Variants in AGGF1 observed in about 807,000 individuals in gnomAD.
The protein encoded by AGGF1 is angiogenic factor with G-patch and FHA domains 1, also known as angiogenic factor with G patch and FHA domains 1.
AGGF1 carries 56 observed loss-of-function variants against 86.5 expected under a neutral mutation model. The ratio of observed to expected loss-of-function variants is 0.65; its 90% CI spans 0.52 to 0.81. The LOEUF is 0.81. AGGF1 is among the 30% of genes least tolerant of loss of function. The pLI is 0.00. For synonymous variants in AGGF1, 313 were observed against 297.1 expected, an observed-to-expected ratio of 1.05 and a Z score of -0.55; for missense variants, 816 against 850.9, an observed-to-expected ratio of 0.96 and a Z score of 0.51.
At chr5:77,062,640 T>C (rs1015230281) in intron 13 of AGGF1, among the ~76,000 whole-genome samples, 9 of 152,200 alleles carry the variant, frequency 5.9e-5, no homozygotes, top group African/African-American at 1.9e-4. Context: ...CCTCCTGTTA[T>C]GAAAACAATC....
At chr5:77,057,848 G>A (rs778579102) in intron 11 of AGGF1, among the ~76,000 whole-genome samples, 2 of 152,164 alleles carry the variant, frequency 1.3e-5, no homozygotes, top group Non-Finnish European at 2.9e-5. Flanking sequence ...AACAGAGCCT[G>A]GACTGTTTTA....
At chr5:77,058,718 G>C (rs763784834) in intron 11 of AGGF1, among the ~76,000 whole-genome samples, 6 of 152,142 alleles carry the variant, frequency 3.9e-5, no homozygotes, top group African/African-American at 1.4e-4. Flanking sequence ...CTCTCTGGAT[G>C]AGTATCATAC....
intron 6 of AGGF1, among the ~76,000 whole-genome samples, chr5:77,047,959 C>T (rs574880430): frequency 2.3e-4 from 35 of 151,836 alleles, no homozygotes; most frequent in Non-Finnish European, 4.6e-4. Flanking sequence ...TATGCAGCAA[C>T]CTTTATGTGG....
chr5:77,034,533 T>TCCTC lies in AGGF1; in HGVS notation c.313+13_313+14insCCTC. 2.6e-6 allele frequency: 4 copies of TCCTC among 1,522,318 alleles called. No individual in the cohort carries two copies. Among genetic ancestry groups the TCCTC allele is most frequent in the Non-Finnish European group, 3.6e-6 (4 of 1,096,290 alleles). 94.3% of individuals were successfully genotyped at this position (1,522,318 alleles called of 1,614,324 possible). A position where few individuals can be genotyped will look rare whatever the true frequency, so the allele number is the denominator to read the frequency against. The stretch of plus-strand genomic sequence containing the variant: ...TGGTCAATCTCAGGTATTTAGCTTA[T>TCCTC]AGTGAGGATATGCTAACACTGTTAC... On this transcript the variant is annotated intron_variant, in intron 2 of 13. Coordinates refer to ENST00000312916, the MANE Select transcript of AGGF1 (RefSeq NM_018046.5).
rs140162439 is a variant in AGGF1, at chr5:77,060,590, T to G, written c.1844+847T>G. Among the ~76,000 whole-genome samples, 152 of 152,294 alleles carry G rather than the reference T, an allele frequency of 1.0e-3. 2 individuals are homozygous for G. The highest frequency in any genetic ancestry group is 3.6e-3 in the African/African-American group (148 of 41,574). ...GCATTTTTTTCCTCAGAATATAAAT[T>G]TTGAGTTTAGTTAAAATTTAAATTT... On this transcript the variant is annotated intron_variant, in intron 12 of 13. Transcript: ENST00000312916.
chr5:77,062,978 T>C, intron 13 of AGGF1, 74 bp from the exon 14 acceptor site: 1 of 1,513,540 alleles, frequency 6.6e-7, no homozygotes. Context: ...AATTGTAGAG[T>C]CCTAAGTTGG....
intron 2 of AGGF1, among the ~76,000 whole-genome samples, chr5:77,035,229 T>C (rs1435909552): frequency 6.6e-6 from 1 of 152,232 alleles, no homozygotes; most frequent in African/African-American, 2.4e-5. Flanking sequence ...AGTTAAGTTT[T>C]TTAAATAGAA....
chr5:77,054,683 G>A (rs529753774), intron 10 of AGGF1, among the ~76,000 whole-genome samples: 2 of 152,188 alleles, frequency 1.3e-5, no homozygotes, highest in South Asian at 4.1e-4. Flanking sequence ...CAAAAATCAT[G>A]TTGTATACCA....
rs928163720 is a variant in AGGF1 at position 77,064,372 on chromosome 5, A to G, written c.*1120A>G. 2 of 152,130 alleles carry G rather than the reference A, an allele frequency of 1.3e-5. No homozygotes were observed. Among genetic ancestry groups the G allele is most frequent in the East Asian group, 1.9e-4 (1 of 5,196 alleles). 9.4% of individuals were successfully genotyped at this position (152,130 alleles called of 1,614,324 possible). The stretch of plus-strand genomic sequence containing the variant: ...GTAAGCTCTAGCTCCCCCATCTACT[A>G]TAAAGAAATGTCTTCGAGATGTAGA... On this transcript the variant is annotated 3_prime_UTR_variant, in exon 14 of 14. Transcript: ENST00000312916.
At chr5:77,044,054 G>C (rs1449190455) in intron 5 of AGGF1, among the ~76,000 whole-genome samples, 2 of 126,298 alleles carry the variant, frequency 1.6e-5, no homozygotes, top group Admixed American at 1.6e-4. Flanking sequence ...TCACTTCCTA[G>C]ATGGGATGGC....
At chr5:77,048,399 T>C (rs1334808439) in intron 7 of AGGF1, 127 bp downstream of exon 7, 3 of 738,814 alleles carry the variant, frequency 4.1e-6, no homozygotes, top group Admixed American at 2.5e-5. Flanking sequence ...TTGTCCAGGC[T>C]GGAGTGCAGT....
intron 8 of AGGF1, among the ~76,000 whole-genome samples, chr5:77,049,677 G>A (rs1747334443): frequency 6.6e-6 from 1 of 151,666 alleles, no homozygotes; most frequent in Admixed American, 6.6e-5. Flanking sequence ...AGCCCCGAAG[G>A]TAGCTGGGAC....
intron 9 of AGGF1, 34 bp downstream of exon 9, chr5:77,052,841 A>G (rs779890736): frequency 2.0e-6 from 3 of 1,507,638 alleles, no homozygotes; most frequent in Admixed American, 1.7e-5. Flanking sequence ...TTACCTGCAC[A>G]TTATTTTTAA....
intron 12 of AGGF1, among the ~76,000 whole-genome samples, chr5:77,061,251 A>C (rs1218176849): frequency 6.6e-6 from 1 of 152,192 alleles, no homozygotes; most frequent in African/African-American, 2.4e-5. Context: ...TCCTCCCGAA[A>C]GGTAATCACC....
In AGGF1 at chr5:77,034,484, G is replaced by C; in HGVS notation, c.277G>C (p.Val93Leu). 1.2e-6 allele frequency: 2 copies of C among 1,613,458 alleles called. No homozygotes were observed. Among genetic ancestry groups the C allele is most frequent in the Non-Finnish European group, 8.5e-7 (1 of 1,179,500 alleles). The change falls in exon 2 of 14, where the codon GTA (valine) becomes CTA (leucine). Residue 93 changes from valine to leucine, a missense_variant. Val to Leu is a conservative substitution (Grantham distance 32). Around this residue, in one of 3 missense-constraint regions of AGGF1, gnomAD observed 240 missense variants for 234.4 expected, o/e 1.02. Transcript: ENST00000312916. ...AGATAATAAAAAGTCTGATGTAGAA[G>C]TACAAACAGAGAACCATGCTCCTTG... ...NEDNKKSDVE[V>L]QTENHAPWSI... is the part of the protein sequence containing the mutation.
In AGGF1 at chr5:77,052,842, T is replaced by C. The variant is rs536423812; in HGVS notation, c.1467+35T>C. 3.3e-6 allele frequency: 5 copies of C among 1,508,370 alleles called. 1 individual carries two copies. The South Asian group carries it at 5.6e-5, about 17-fold the overall frequency. The allele number at this position is 1,508,370 out of a possible 1,614,324, so 93.4% of individuals were successfully genotyped here. A position where few individuals can be genotyped will look rare whatever the true frequency, so the allele number is the denominator to read the frequency against. Reference sequence around the variant, plus strand: ...TATGTGTTAATTTGTTACCTGCACATTATTTTTAAACTGATTTTTTTTTAT... The same window carrying C: ...TATGTGTTAATTTGTTACCTGCACACTATTTTTAAACTGATTTTTTTTTAT... On this transcript the variant is annotated intron_variant, in intron 9 of 13. Transcript: ENST00000312916.
At chr5:77,044,112 A>G (rs1246494360) in intron 5 of AGGF1, among the ~76,000 whole-genome samples, 3 of 142,380 alleles carry the variant, frequency 2.1e-5, no homozygotes, top group Non-Finnish European at 4.6e-5. Flanking sequence ...AGCCAGGCAG[A>G]GGGGCTCCTC....
rs1345070042 is a variant in AGGF1 at position 77,055,553 on chromosome 5, GAAGAA to G, written c.1679_1683del (p.Lys560IlefsTer18). 6.2e-7 allele frequency: 1 copy of G among 1,603,652 alleles called. No homozygotes were observed. Among genetic ancestry groups the G allele is most frequent in the Non-Finnish European group, 8.5e-7 (1 of 1,171,578 alleles). On this transcript the variant is annotated frameshift_variant, in exon 11 of 14. Coordinates refer to ENST00000312916, the MANE Select transcript of AGGF1 (RefSeq NM_018046.5). LOFTEE classifies it high-confidence loss of function. ...AGTAAGGAGGAAAAAGAGTTGGAAA[GAAGAA>G]AAGAATTAAAGAAAATACGAGTAAA...
intron 5 of AGGF1, among the ~76,000 whole-genome samples, chr5:77,042,494 ACC>A (rs369692581): frequency 2.2e-4 from 7 of 31,918 alleles, no homozygotes; most frequent in African/African-American, 6.5e-4. Flanking sequence ...CGGGGGGCTG[ACC>A]CCCCCCACCT....
Sources: gnomAD v4.1 joint callset for allele counts (sites outside exome capture counted in the v4.1 genomes callset) on GRCh38, gnomAD v4.1.1 for gene constraint, gnomAD v4.1.1 regional missense constraint, MANE v1.5 for transcripts, NCBI Gene and HGNC (gene_info 2026-07-23, HGNC 2026-07-21) for gene names.